Variants in IGFL4 observed in about 807,000 individuals in gnomAD.
The protein encoded by IGFL4 is IGF like family member 4.
In IGFL4, 12 loss-of-function variants were observed where a neutral mutation model predicts 15.4. The observed-to-expected ratio is 0.78, with a 90% confidence interval of 0.50 to 1.26. The LOEUF is 1.26. Ranked by LOEUF, IGFL4 falls within the 50% of genes most tolerant of loss-of-function variation. The pLI is 0.00. For missense variants in IGFL4, 126 were observed against 147.8 expected, an observed-to-expected ratio of 0.85 and a Z score of 0.76; for synonymous variants, 54 against 55.9, an observed-to-expected ratio of 0.97 and a Z score of 0.16.
At chr19:46,055,494 T>C (rs2160735) in intron 2 of IGFL4, among the ~76,000 whole-genome samples, 59,817 of 152,058 alleles carry the variant, frequency 0.39, 13,546 homozygotes, top group Non-Finnish European at 0.52. Context: ...CCATCTTAAC[T>C]AGAATATTTC....
intron 2 of IGFL4, among the ~76,000 whole-genome samples, chr19:46,054,069 T>C (rs977604034): frequency 6.6e-6 from 1 of 152,210 alleles, no homozygotes; most frequent in Non-Finnish European, 1.5e-5. Context: ...CTATAAGTCA[T>C]GTTTTCACTC....
chr19:46,055,144 C>A (rs1011815013), intron 2 of IGFL4, among the ~76,000 whole-genome samples: 1 of 152,194 alleles, frequency 6.6e-6, no homozygotes, highest in Non-Finnish European at 1.5e-5. Flanking sequence ...TTAGTTCTGC[C>A]AGGCTCTCAC....
chr19:46,040,002 G>A lies in IGFL4; in HGVS notation c.331-66C>T. 6.6e-7 allele frequency: 1 copy of A among 1,519,126 alleles called. No individual in the cohort carries two copies. The highest frequency in any genetic ancestry group is 1.1e-5 in the South Asian group (1 of 89,102). The allele number at this position is 1,519,126 out of a possible 1,614,324, so 94.1% of individuals were successfully genotyped here. A position where few individuals can be genotyped will look rare whatever the true frequency, so the allele number is the denominator to read the frequency against. ...GGTGGTAGCAGCAGTGGCGGGGAAG[G>A]AACAGAGACATGGAGAAAGACAGAG... On this transcript the variant is annotated intron_variant, in intron 3 of 3. Transcript: ENST00000377697. The surrounding 1 kb of genome is among the most constrained non-coding windows in gnomAD (Gnocchi z 4.1).
Position 46,040,209 on chromosome 19 carries a change from G to A in IGFL4, c.278C>T (p.Pro93Leu). The A allele has an allele frequency of 6.2e-7, 1 of 1,614,136 alleles. No individual in the cohort carries two copies. The highest frequency in any genetic ancestry group is 8.5e-7 in the Non-Finnish European group (1 of 1,180,044). The stretch of plus-strand genomic sequence containing the variant: ...GGACTTGCAATCTGGCTTCATGCCT[G>A]GGACCTTGAACCTCACAACTGTCTG... ...QNQTVVRFKVPGMKPDCKSSP... is the reference protein window; with the variant it reads ...QNQTVVRFKVLGMKPDCKSSP... Residue 93 changes from proline (P) to leucine (L), a missense_variant, in exon 3 of 4, where the codon CCA becomes CTA. Physicochemically the swap from Pro to Leu is moderately conservative, Grantham distance 98 (BLOSUM62 -3). Coordinates refer to ENST00000377697, the MANE Select transcript of IGFL4 (RefSeq NM_001002923.3). This position sits in a 1 kb window ranked among gnomAD's most constrained non-coding sequence, Gnocchi z 4.1.
chr19:46,060,744 A>G (rs751122923), intron 1 of IGFL4, among the ~76,000 whole-genome samples: 4 of 152,216 alleles, frequency 2.6e-5, no homozygotes, highest in Non-Finnish European at 5.9e-5. Context: ...ACACATACCA[A>G]TACATATTTA....
intron 1 of IGFL4, among the ~76,000 whole-genome samples, chr19:46,062,272 G>A (rs901907406): frequency 2.6e-5 from 4 of 152,208 alleles, no homozygotes; most frequent in Non-Finnish European, 5.9e-5. Context: ...ATTCAAGATG[G>A]TTGGTGGAGG....
chr19:46,064,655 A>G (rs1173549452), intron 1 of IGFL4, among the ~76,000 whole-genome samples: 2 of 152,200 alleles, frequency 1.3e-5, no homozygotes, highest in African/African-American at 2.4e-5. Context: ...GCAGGATCTC[A>G]TTCCTTTTTA....
upstream of IGFL4, among the ~76,000 whole-genome samples, chr19:46,042,929 G>T (rs10408104): frequency 0.086 from 13,046 of 152,176 alleles, 1,565 homozygotes; most frequent in African/African-American, 0.27. Flanking sequence ...ATGACCTCAC[G>T]TTCTGGGAAG....
chr19:46,064,627 T>C (rs1295174629), intron 1 of IGFL4, among the ~76,000 whole-genome samples: 1 of 152,206 alleles, frequency 6.6e-6, no homozygotes, highest in Non-Finnish European at 1.5e-5. Flanking sequence ...GCCAGTTCTA[T>C]CCATGTTGTT....
intron 1 of IGFL4, among the ~76,000 whole-genome samples, chr19:46,075,054 C>T (rs1969582217): frequency 1.4e-5 from 2 of 146,038 alleles, no homozygotes; most frequent in Non-Finnish European, 3.1e-5. Context: ...TATCTTAAAC[C>T]TACCACTTAG....
intron 1 of IGFL4, among the ~76,000 whole-genome samples, chr19:46,066,947 C>T (rs1215847164): frequency 3.9e-5 from 6 of 152,220 alleles, no homozygotes; most frequent in African/African-American, 1.4e-4. Context: ...ACTCCTAAAA[C>T]CATCTCAGCT....
At chr19:46,044,221 T>C (rs1160264077), upstream of IGFL4, among the ~76,000 whole-genome samples, 1 of 152,104 alleles carries the variant, frequency 6.6e-6, no homozygotes, top group Admixed American at 6.5e-5. Context: ...GCCCAGAGAT[T>C]TGGGTCCAAT....
chr19:46,040,324 C>T lies in IGFL4; in HGVS notation c.163G>A (p.Asp55Asn), dbSNP rs756233994. The T allele has an allele frequency of 3.7e-6, 6 of 1,614,176 alleles. No homozygotes were observed. In the African/African-American group the frequency reaches 6.7e-5, roughly 18 times the overall value. Reference protein sequence around the residue: ...EQCCDDGVILDLNQTRLCGSS... With the variant: ...EQCCDDGVILNLNQTRLCGSS... Reference sequence around the variant, plus strand: ...CCGCAGAGCCGGGTCTGGTTCAAGTCTAGGATGACACCGTCATCACAGCAC... The same window carrying T: ...CCGCAGAGCCGGGTCTGGTTCAAGTTTAGGATGACACCGTCATCACAGCAC... Residue 55 changes from aspartate to asparagine, a missense_variant, in exon 3 of 4, where the codon GAC becomes AAC. Transcript: ENST00000377697. This position sits in a 1 kb window ranked among gnomAD's most constrained non-coding sequence, Gnocchi z 4.1.
chr19:46,041,837 C>CA (rs1969247169), upstream of IGFL4, among the ~76,000 whole-genome samples: 1 of 109,870 alleles, frequency 9.1e-6, no homozygotes, highest in African/African-American at 3.4e-5. Context: ...TCCTCTCTCT[C>CA]TTTTTTTTTT....
exon 2 of IGFL4, chr19:46,060,214 G>T (rs778807526): frequency 6.6e-6 from 1 of 152,154 alleles, no homozygotes; most frequent in Non-Finnish European, 1.5e-5. Context: ...GAGAAATCAG[G>T]CAGAGAGAAA....
Position 46,040,779 on chromosome 19 carries a change from G to A in IGFL4, c.19+165C>T, listed in dbSNP as rs1356751137. On this transcript the variant is annotated intron_variant, in intron 1 of 3. Coordinates refer to ENST00000377697, the MANE Select transcript of IGFL4 (RefSeq NM_001002923.3). The surrounding 1 kb of genome is among the most constrained non-coding windows in gnomAD (Gnocchi z 4.1). ...AAAAGTTAAGCTTCTGGAATTTGCA[G>A]TTCAGGAGACAGATTACAATGCAGT... 8 of 950,118 alleles carry A rather than the reference G, an allele frequency of 8.4e-6. No homozygotes were observed. Among genetic ancestry groups the A allele is most frequent in the Non-Finnish European group, 6.6e-6 (4 of 608,332 alleles). The allele number at this position is 950,118 out of a possible 1,614,324, so 58.9% of individuals were successfully genotyped here.
intron 1 of IGFL4, among the ~76,000 whole-genome samples, chr19:46,063,606 T>C (rs1206103193): frequency 6.6e-6 from 1 of 152,218 alleles, no homozygotes; most frequent in Non-Finnish European, 1.5e-5. Context: ...ACACTCTGCA[T>C]CTAGCACAGA....
At chr19:46,043,471 T>G (rs1237378884), upstream of IGFL4, among the ~76,000 whole-genome samples, 1 of 152,120 alleles carries the variant, frequency 6.6e-6, no homozygotes, top group African/African-American at 2.4e-5. Flanking sequence ...GGAAAGGCAG[T>G]GGAAACAAGA....
chr19:46,064,168 A>T (rs8102690), intron 1 of IGFL4, among the ~76,000 whole-genome samples: 9 of 53,448 alleles, frequency 1.7e-4, no homozygotes, highest in Admixed American at 1.5e-3. Flanking sequence ...TTTATTCTTA[A>T]TTTTAATATT....
Sources: gnomAD v4.1 joint callset for allele counts (sites outside exome capture counted in the v4.1 genomes callset) on GRCh38, gnomAD v4.1.1 for gene constraint, Gnocchi (gnomAD v3.1) non-coding constraint, MANE v1.5 for transcripts, NCBI Gene and HGNC (gene_info 2026-07-23, HGNC 2026-07-21) for gene names.